Variants in HSPG2 observed in about 807,000 individuals in gnomAD.
HSPG2 encodes the protein basement membrane-specific heparan sulfate proteoglycan core protein.
HSPG2 carries 278 observed loss-of-function variants against 526.6 expected under a neutral mutation model. That is an observed-to-expected ratio of 0.53 (90% CI 0.48 to 0.58). HSPG2 has a LOEUF of 0.58. HSPG2 is among the 20% of genes least tolerant of loss of function. The pLI is 0.00. For missense variants in HSPG2, 5,354 were observed against 6,099.5 expected, an observed-to-expected ratio of 0.88 and a Z score of 4.07; for synonymous variants, 2,465 against 2,555.4, an observed-to-expected ratio of 0.96 and a Z score of 1.07.
At chr1:21,926,761 CAAAAAAAAAAAAAAAAA>C (rs57835686) in intron 1 of HSPG2, among the ~76,000 whole-genome samples, 8 of 55,878 alleles carry the variant, frequency 1.4e-4, no homozygotes, top group African/African-American at 5.1e-4. Flanking sequence ...GACTCAGTCT[CAAAAAAAAAAAAAAAAA>C]AAAAAAAAAA....
intron 85 of HSPG2, 182 bp downstream of exon 85, chr1:21,830,800 T>C: frequency 8.7e-6 from 5 of 575,094 alleles, no homozygotes; most frequent in South Asian, 1.9e-5. Flanking sequence ...GCAGCAGTGA[T>C]GGGGTGAGGG....
chr1:21,881,089 G>A (rs1641466661), intron 14 of HSPG2, among the ~76,000 whole-genome samples: 2 of 152,240 alleles, frequency 1.3e-5, no homozygotes, highest in African/African-American at 4.8e-5. Flanking sequence ...CGGAGGCACA[G>A]AACCCAGCCC....
chr1:21,872,723 G>C lies in HSPG2; in HGVS notation c.3926C>G (p.Pro1309Arg). 1 of 1,609,446 alleles carries C rather than the reference G, an allele frequency of 6.2e-7. No homozygotes were observed. The highest frequency in any genetic ancestry group is 8.5e-7 in the Non-Finnish European group (1 of 1,178,700). ...GCTGGCACTCAGGTGGAAGTGGTGGGGCCGGCAGTGGCTGCAAGTGAGGCC... is the reference window on the plus strand; with the variant it reads ...GCTGGCACTCAGGTGGAAGTGGTGGCGCCGGCAGTGGCTGCAAGTGAGGCC... ...VEGLTCSHCRPHHFHLSASNP... is the reference protein window; with the variant it reads ...VEGLTCSHCRRHHFHLSASNP... The change falls in exon 32 of 97, where the codon CCC becomes CGC. Residue 1309 changes from proline (P) to arginine (R), a missense_variant. Pro to Arg is a moderately radical substitution (Grantham distance 103, BLOSUM62 -2). Coordinates refer to ENST00000374695, the MANE Select transcript of HSPG2 (RefSeq NM_005529.7). This position sits in a 1 kb window ranked among gnomAD's most constrained non-coding sequence, Gnocchi z 5.5.
intron 42 of HSPG2, among the ~76,000 whole-genome samples, chr1:21,857,640 A>G (rs1035744870): frequency 2.0e-5 from 3 of 152,090 alleles, no homozygotes; most frequent in African/African-American, 7.2e-5. Context: ...GTTCCTGATC[A>G]CAGACCACAA....
At chr1:21,850,017 G>C in intron 57 of HSPG2, 24 bp downstream of exon 57, 1 of 1,612,064 alleles carries the variant, frequency 6.2e-7, no homozygotes. Flanking sequence ...GGTCCTTCAG[G>C]CTTCCTGAGC....
Position 21,887,596 on chromosome 1 carries a change from G to T in HSPG2, c.782C>A (p.Thr261Asn), listed in dbSNP as rs1642013360. ...TTSLPPRPET[T>N]IMRQPPVTHA... ...GGTGACTGGTGGCTGTCGCATGATG[G>T]TTGTCTCTGGCCGGGGCGGTAAAGA... The change falls in exon 8 of 97, where the codon ACC (threonine) becomes AAC (asparagine). Residue 261 changes from threonine to asparagine, a missense_variant. Transcript: ENST00000374695. This position sits in a 1 kb window ranked among gnomAD's most constrained non-coding sequence, Gnocchi z 5.0. 1.9e-6 allele frequency: 3 copies of T among 1,614,090 alleles called. No homozygotes were observed. In the East Asian group the frequency reaches 6.7e-5, roughly 36 times the overall value.
chr1:21,891,803 G>A (rs1642382545), intron 3 of HSPG2, among the ~76,000 whole-genome samples: 1 of 152,106 alleles, frequency 6.6e-6, no homozygotes, highest in African/African-American at 2.4e-5. Flanking sequence ...TAGAGATGGG[G>A]TCTTGCTATG....
chr1:21,921,879 C>CTGCCGAG (rs1644048740), intron 1 of HSPG2, among the ~76,000 whole-genome samples: 1 of 152,152 alleles, frequency 6.6e-6, no homozygotes, highest in Non-Finnish European at 1.5e-5. Flanking sequence ...CTTCGGCCCC[C>CTGCCGAG]TGCACTCACA....
intron 64 of HSPG2, among the ~76,000 whole-genome samples, chr1:21,845,600 G>A (rs1638366794): frequency 6.6e-6 from 1 of 152,020 alleles, no homozygotes; most frequent in East Asian, 1.9e-4. Context: ...GACTGGTCTC[G>A]AACTCATGAG....
chr1:21,843,427 T>G lies in HSPG2; in HGVS notation c.8628A>C (p.Pro2876=). 1.2e-6 allele frequency: 2 copies of G among 1,612,668 alleles called. No individual in the cohort carries two copies. Among genetic ancestry groups the G allele is most frequent in the Non-Finnish European group, 1.7e-6 (2 of 1,179,208 alleles). ...NLPARHQVHG[P]LLRLNQVSPA... is the part of the protein sequence containing the mutation. ...GGGACACCTGGTTCAGCCTCAGCAG[T>G]GGGCCGTGGACCTGGCCAAGGTGGG... is the stretch of plus-strand genomic sequence containing the variant. The change falls in exon 66 of 97, where the codon CCA becomes CCC. Residue 2876 remains proline (P), a synonymous_variant. Coordinates refer to ENST00000374695, the MANE Select transcript of HSPG2 (RefSeq NM_005529.7).
intron 40 of HSPG2, 59 bp from the exon 41 acceptor site, chr1:21,860,061 C>G (rs1272183728): frequency 2.5e-6 from 4 of 1,600,298 alleles, no homozygotes; most frequent in Non-Finnish European, 3.4e-6. Flanking sequence ...TATCTCTGCT[C>G]TCCCAAAAGC....
intron 1 of HSPG2, among the ~76,000 whole-genome samples, chr1:21,923,159 C>T (rs556618035): frequency 6.6e-6 from 1 of 152,202 alleles, no homozygotes; most frequent in Non-Finnish European, 1.5e-5. Context: ...GTAATCCCAG[C>T]ACTTTGGGAG....
chr1:21,870,283 C>T (rs572245517), intron 33 of HSPG2: 487 of 986,012 alleles, frequency 4.9e-4, no homozygotes, highest in Non-Finnish European at 5.6e-4. Context: ...CACGGCTGCC[C>T]GCAACTGCTC....
intron 1 of HSPG2, among the ~76,000 whole-genome samples, chr1:21,897,034 T>C (rs1261972541): frequency 1.3e-5 from 2 of 152,288 alleles, no homozygotes; most frequent in South Asian, 2.1e-4. Flanking sequence ...AAGCTCCACC[T>C]TGGGGCCTGC....
chr1:21,884,425 C>T, intron 13 of HSPG2, 103 bp downstream of exon 13: 2 of 1,476,656 alleles, frequency 1.4e-6, no homozygotes, highest in Non-Finnish European at 1.9e-6. Flanking sequence ...CACATTCCTT[C>T]CCGAAACCTG....
Position 21,890,508 on chromosome 1 carries a change from C to T in HSPG2, c.355-23G>A, listed in dbSNP as rs1246538381. The T allele has an allele frequency of 2.5e-6, 4 of 1,613,744 alleles. No individual in the cohort carries two copies. Among genetic ancestry groups the T allele is most frequent in the East Asian group, 2.2e-5 (1 of 44,872 alleles). On this transcript the variant is annotated intron_variant, in intron 4 of 96. Transcript: ENST00000374695. The surrounding 1 kb of genome is among the most constrained non-coding windows in gnomAD (Gnocchi z 4.1). ...CAGCTGGGGAGGGACACAGTGCCAT[C>T]AGCCCCAGAGGCCTTCACCCCATCC...
chr1:21,844,399 A>G (rs1638260818), intron 64 of HSPG2, 100 bp from the exon 65 acceptor site: 3 of 1,331,948 alleles, frequency 2.3e-6, no homozygotes, highest in Non-Finnish European at 3.1e-6. Flanking sequence ...CATTTGGGAC[A>G]TGGCTTCTTT....
intron 1 of HSPG2, among the ~76,000 whole-genome samples, chr1:21,914,707 T>C (rs1345880778): frequency 6.6e-6 from 1 of 152,164 alleles, no homozygotes; most frequent in Non-Finnish European, 1.5e-5. Flanking sequence ...AGATGCCTGT[T>C]CCATCCACTT....
At chr1:21,899,548 C>G (rs564515599) in intron 1 of HSPG2, among the ~76,000 whole-genome samples, 5 of 152,184 alleles carry the variant, frequency 3.3e-5, no homozygotes, top group Non-Finnish European at 5.9e-5. Flanking sequence ...GATTTGAACC[C>G]TGGTGGTCGG....
Sources: allele counts gnomAD v4.1 joint callset (sites outside exome capture counted in the v4.1 genomes callset), GRCh38; gene constraint gnomAD v4.1.1; non-coding constraint Gnocchi (gnomAD v3.1); transcripts MANE v1.5; gene names NCBI Gene and HGNC (gene_info 2026-07-23, HGNC 2026-07-21).